The following NOVA1 variants were observed in gnomAD, a reference collection of about 807,000 sequenced individuals.
The protein encoded by NOVA1 is NOVA alternative splicing regulator 1.
Under a neutral mutation model 38.0 loss-of-function variants are expected in NOVA1, and 7 were observed. The ratio of observed to expected loss-of-function variants is 0.18; its 90% CI spans 0.10 to 0.35. NOVA1 has a LOEUF of 0.35. Among genes scored for constraint, NOVA1 ranks in the 10% least tolerant of loss-of-function variants. NOVA1 has a pLI of 1.00. For missense variants in NOVA1, 460 were observed against 616.0 expected (o/e 0.75, Z 2.68); for synonymous variants, 270 against 232.5 (o/e 1.16, Z -1.47).
At chr14:26,464,110 C>G (rs1883923681) in intron 4 of NOVA1, among the ~76,000 whole-genome samples, 1 of 152,154 alleles carries the variant, frequency 6.6e-6, no homozygotes, top group South Asian at 2.1e-4. Flanking sequence ...CTCAAGACCA[C>G]AGTTCTCCAA....
At chr14:26,514,866 T>C (rs960099970) in intron 2 of NOVA1, among the ~76,000 whole-genome samples, 1 of 151,970 alleles carries the variant, frequency 6.6e-6, no homozygotes, top group Non-Finnish European at 1.5e-5. Flanking sequence ...TTTGCTATTA[T>C]ATTTGTCCTT....
chr14:26,567,290 A>AT (rs372263187), intron 2 of NOVA1, among the ~76,000 whole-genome samples: 67,767 of 94,470 alleles, frequency 0.72, 24,895 homozygotes, highest in South Asian at 0.86. Context: ...GTCTTGTTTA[A>AT]TTTTTTTTTT....
intron 2 of NOVA1, among the ~76,000 whole-genome samples, chr14:26,497,187 C>A (rs1216428922): frequency 6.6e-6 from 1 of 152,056 alleles, no homozygotes; most frequent in African/African-American, 2.4e-5. Flanking sequence ...GAGTGAACTC[C>A]CATTCACAAT....
In NOVA1 at chr14:26,574,286, C is replaced by T. The variant is rs1372010649; in HGVS notation, c.280+21124G>A. 1.6e-5 allele frequency among the ~76,000 whole-genome samples: 2 copies of T among 122,020 alleles called. 1 individual carries two copies. The highest frequency in any genetic ancestry group is 1.6e-4 in the Admixed American group (2 of 12,528). 80.0% of individuals were successfully genotyped at this position (122,020 alleles called of 152,430 possible). On this transcript the variant is annotated intron_variant, in intron 2 of 4. Coordinates refer to ENST00000539517, the MANE Select transcript of NOVA1 (RefSeq NM_002515.3). The stretch of plus-strand genomic sequence containing the variant: ...TGATCCACCCCCCCCCCCCCGCCCC[C>T]TCGGCCTCCCAAAGTGCTGGGATTA...
At chr14:26,454,369 G>C (rs936678820) in intron 4 of NOVA1, among the ~76,000 whole-genome samples, 16 of 152,210 alleles carry the variant, frequency 1.1e-4, no homozygotes, top group Middle Eastern at 3.4e-3. Context: ...AAGAGCATGA[G>C]AAGTTGGGAA....
intron 4 of NOVA1, among the ~76,000 whole-genome samples, chr14:26,453,653 T>C (rs1342414020): frequency 6.6e-6 from 1 of 152,154 alleles, no homozygotes; most frequent in Non-Finnish European, 1.5e-5. Context: ...TATTTACTCT[T>C]TCAACAAATA....
At chr14:26,563,754 G>A (rs1023458883) in intron 2 of NOVA1, among the ~76,000 whole-genome samples, 2 of 151,990 alleles carry the variant, frequency 1.3e-5, no homozygotes, top group African/African-American at 4.8e-5. Context: ...AAAAGTAAAA[G>A]CAAGCATTGG....
intron 2 of NOVA1, among the ~76,000 whole-genome samples, chr14:26,575,632 C>T (rs1468561651): frequency 6.6e-6 from 1 of 152,016 alleles, no homozygotes; most frequent in Non-Finnish European, 1.5e-5. Flanking sequence ...AACAAATCTC[C>T]TCTACTTTAT....
In NOVA1 at chr14:26,479,972, C is replaced by T; in HGVS notation, c.447+5G>A. 6.2e-7 allele frequency: 1 copy of T among 1,612,896 alleles called. No individual in the cohort carries two copies. Among genetic ancestry groups the T allele is most frequent in the Non-Finnish European group, 8.5e-7 (1 of 1,179,362 alleles). On this transcript the variant is annotated splice_donor_5th_base_variant and intron_variant, in intron 3 of 4. Transcript: ENST00000539517. The stretch of plus-strand genomic sequence containing the variant: ...TTCTCTTTGATTTCTCAACTAAACA[C>T]TCACTTGTTTGATGCGATCTGGATT...
chr14:26,550,409 T>C (rs893040986), intron 2 of NOVA1, among the ~76,000 whole-genome samples: 1 of 152,196 alleles, frequency 6.6e-6, no homozygotes, highest in African/African-American at 2.4e-5. Flanking sequence ...AGACAACTTT[T>C]CTTCTCCAAA....
chr14:26,501,476 T>C (rs1887237337), intron 2 of NOVA1, among the ~76,000 whole-genome samples: 1 of 152,004 alleles, frequency 6.6e-6, no homozygotes, highest in Non-Finnish European at 1.5e-5. Flanking sequence ...TTATTTCTTT[T>C]TAAGGAAAAA....
chr14:26,583,091 A>G (rs1226579075), intron 2 of NOVA1, among the ~76,000 whole-genome samples: 1 of 151,790 alleles, frequency 6.6e-6, no homozygotes, highest in African/African-American at 2.4e-5. Flanking sequence ...ACGCTTCAGA[A>G]CAATTAGTTT....
chr14:26,464,806 C>T (rs750861879), intron 4 of NOVA1, among the ~76,000 whole-genome samples: 19 of 151,966 alleles, frequency 1.3e-4, no homozygotes, highest in African/African-American at 3.4e-4. Context: ...ATCTTCCCCA[C>T]GAAAATTATA....
chr14:26,569,127 A>C (rs1015663681), intron 2 of NOVA1, among the ~76,000 whole-genome samples: 1 of 152,208 alleles, frequency 6.6e-6, no homozygotes, highest in African/African-American at 2.4e-5. Context: ...ACAAGGAAGC[A>C]TGGTGGCAAG....
At chr14:26,511,713 C>T (rs1888107713) in intron 2 of NOVA1, among the ~76,000 whole-genome samples, 1 of 151,780 alleles carries the variant, frequency 6.6e-6, no homozygotes, top group African/African-American at 2.4e-5. Flanking sequence ...GATAGCGCCA[C>T]TGCACTCCAG....
intron 2 of NOVA1, among the ~76,000 whole-genome samples, chr14:26,550,808 A>T (rs985025771): frequency 2.6e-5 from 4 of 152,100 alleles, no homozygotes; most frequent in Non-Finnish European, 5.9e-5. Flanking sequence ...CCATAAGTCA[A>T]ACTTTTCTGA....
intron 4 of NOVA1, among the ~76,000 whole-genome samples, chr14:26,466,638 T>C (rs953490475): frequency 6.6e-6 from 1 of 152,322 alleles, no homozygotes; most frequent in East Asian, 1.9e-4. Flanking sequence ...ATGGTTGCTA[T>C]GGTTAAAATG....
chr14:26,484,136 G>T lies in NOVA1; in HGVS notation c.281-3993C>A, dbSNP rs183061094. 1.9e-3 allele frequency among the ~76,000 whole-genome samples: 290 copies of T among 151,976 alleles called. 1 individual carries two copies. Among genetic ancestry groups the T allele is most frequent in the Non-Finnish European group, 2.7e-3 (181 of 67,928 alleles). On this transcript the variant is annotated intron_variant, in intron 2 of 4. Transcript: ENST00000539517. ...TTGATACTGTTGATATAGATGAAGG[G>T]TATAAAGAAATTAATTGGCCGGGTG...
At chr14:26,594,823 AT>A (rs1894081992) in intron 2 of NOVA1, among the ~76,000 whole-genome samples, 8 of 152,136 alleles carry the variant, frequency 5.3e-5, no homozygotes, top group Admixed American at 5.2e-4. Context: ...GTTAACATGA[AT>A]TCTGAAGCAT....
Sources: allele counts gnomAD v4.1 joint callset (sites outside exome capture counted in the v4.1 genomes callset), GRCh38; gene constraint gnomAD v4.1.1; transcripts MANE v1.5; gene names NCBI Gene and HGNC (gene_info 2026-07-23, HGNC 2026-07-21).